Variants in KIAA0825 observed in about 807,000 individuals in gnomAD.
The protein encoded by KIAA0825 is KIAA0825, also known as uncharacterized protein KIAA0825.
In KIAA0825, 119 loss-of-function variants were observed where a neutral mutation model predicts 147.6. The observed-to-expected ratio is 0.81, with a 90% CI of 0.69 to 0.94. The LOEUF (loss-of-function observed/expected upper bound fraction) is 0.94, where lower values mean the gene tolerates loss of function less well. KIAA0825 is among the 40% of genes least tolerant of loss of function. The pLI is 0.00. For synonymous variants in KIAA0825, 470 were observed against 518.1 expected, an observed-to-expected ratio of 0.91 and a Z score of 1.26; for missense variants, 1,381 against 1,472.7, an observed-to-expected ratio of 0.94 and a Z score of 1.02.
At chr5:94,244,866 A>G (rs940904699) in intron 20 of KIAA0825, among the ~76,000 whole-genome samples, 4 of 152,160 alleles carry the variant, frequency 2.6e-5, no homozygotes, top group Admixed American at 2.6e-4. Flanking sequence ...AATTATGATT[A>G]CTCTATAGTT....
chr5:94,438,400 C>G (rs986277796), intron 14 of KIAA0825, among the ~76,000 whole-genome samples: 28 of 152,240 alleles, frequency 1.8e-4, no homozygotes, highest in African/African-American at 6.7e-4. Flanking sequence ...AGTAGATTCC[C>G]TAGTGTGAGT....
chr5:94,384,602 G>A, intron 19 of KIAA0825, 144 bp from the exon 20 acceptor site: 6 of 565,928 alleles, frequency 1.1e-5, no homozygotes, highest in African/African-American at 1.9e-5. Context: ...CATCAATCAT[G>A]TCCACAGAAG....
At chr5:94,472,961 C>T (rs1405896002) in intron 8 of KIAA0825, among the ~76,000 whole-genome samples, 1 of 152,074 alleles carries the variant, frequency 6.6e-6, no homozygotes, top group African/African-American at 2.4e-5. Flanking sequence ...GAAAAGACAG[C>T]ACTTCCTTCA....
intron 20 of KIAA0825, among the ~76,000 whole-genome samples, chr5:94,170,618 T>C (rs991131171): frequency 3.3e-5 from 5 of 152,228 alleles, no homozygotes; most frequent in Admixed American, 1.3e-4. Context: ...GACAGTCTGC[T>C]GTACATATAG....
intron 20 of KIAA0825, among the ~76,000 whole-genome samples, chr5:94,376,758 T>A (rs1032996345): frequency 1.3e-5 from 2 of 152,030 alleles, no homozygotes; most frequent in Non-Finnish European, 2.9e-5. Context: ...AAGAAAACAA[T>A]TTTCTAGGGA....
intron 14 of KIAA0825, among the ~76,000 whole-genome samples, chr5:94,421,909 G>A (rs1378253481): frequency 6.6e-6 from 1 of 152,094 alleles, no homozygotes; most frequent in East Asian, 1.9e-4. Flanking sequence ...CCTAGTGAAA[G>A]TCAACAACTT....
At chr5:94,314,039 T>C (rs571834823) in intron 20 of KIAA0825, among the ~76,000 whole-genome samples, 1 of 151,710 alleles carries the variant, frequency 6.6e-6, no homozygotes, top group Non-Finnish European at 1.5e-5. Context: ...TCAGGGGAAC[T>C]TCTACTTGCC....
chr5:94,338,119 A>G (rs1443205637), intron 20 of KIAA0825, among the ~76,000 whole-genome samples: 8 of 152,224 alleles, frequency 5.3e-5, no homozygotes, highest in Admixed American at 5.2e-4. Context: ...CCAGGTTCCC[A>G]GCTTATTCAA....
At chr5:94,560,360 AT>A (rs1777331759) in intron 2 of KIAA0825, among the ~76,000 whole-genome samples, 1 of 152,198 alleles carries the variant, frequency 6.6e-6, no homozygotes. Flanking sequence ...CCAAAATTTA[AT>A]TCAGAGTCTT....
At chr5:94,297,109 G>T (rs1778172828) in intron 20 of KIAA0825, among the ~76,000 whole-genome samples, 1 of 152,118 alleles carries the variant, frequency 6.6e-6, no homozygotes, top group African/African-American at 2.4e-5. Flanking sequence ...AGTTAATTCA[G>T]AGAACTTAAT....
intron 20 of KIAA0825, among the ~76,000 whole-genome samples, chr5:94,222,836 A>C (rs866378036): frequency 6.6e-6 from 1 of 152,132 alleles, no homozygotes; most frequent in African/African-American, 2.4e-5. Flanking sequence ...TTAAAGCTAC[A>C]TTTTTATTGT....
intron 1 of KIAA0825, among the ~76,000 whole-genome samples, chr5:94,615,176 C>T (rs962928374): frequency 6.6e-6 from 1 of 151,816 alleles, no homozygotes; most frequent in African/African-American, 2.4e-5. Context: ...TAAAAGCTTA[C>T]ATAAAACACA....
chr5:94,196,860 A>T (rs1303063558), intron 20 of KIAA0825, among the ~76,000 whole-genome samples: 1 of 152,044 alleles, frequency 6.6e-6, no homozygotes, highest in African/African-American at 2.4e-5. Context: ...TCTTTACTCA[A>T]TCCATTGTTG....
intron 5 of KIAA0825, among the ~76,000 whole-genome samples, chr5:94,512,029 T>C (rs1338839625): frequency 6.6e-6 from 1 of 152,000 alleles, no homozygotes; most frequent in Non-Finnish European, 1.5e-5. Flanking sequence ...AATATTTGAC[T>C]TTATAAATGT....
At chr5:94,476,815 C>T (rs1036394949) in intron 7 of KIAA0825, among the ~76,000 whole-genome samples, 32 of 151,904 alleles carry the variant, frequency 2.1e-4, no homozygotes, top group Non-Finnish European at 2.8e-4. Context: ...TCTCGCTATT[C>T]GACAATTATC....
rs1387742943 is a variant in KIAA0825 at position 94,580,844 on chromosome 5, C to A, written c.-2+1589G>T. 6.9e-5 allele frequency among the ~76,000 whole-genome samples: 2 copies of A among 28,974 alleles called. 1 individual carries two copies. The highest frequency in any genetic ancestry group is 1.2e-4 in the Non-Finnish European group (2 of 16,810). The allele number at this position is 28,974 out of a possible 152,430, so 19.0% of individuals were successfully genotyped here. A position where few individuals can be genotyped will look rare whatever the true frequency, so the allele number is the denominator to read the frequency against. On this transcript the variant is annotated intron_variant, in intron 2 of 20. Transcript: ENST00000682413. ...TGAGCCGAGATCCCGCCACTGCACT[C>A]CAGCCTGGGCGACAGAGCGAGACTC...
chr5:94,225,936 T>C (rs1774121448), intron 20 of KIAA0825, among the ~76,000 whole-genome samples: 1 of 152,192 alleles, frequency 6.6e-6, no homozygotes, highest in Non-Finnish European at 1.5e-5. Context: ...GGCAATACCA[T>C]TCAGGACATA....
At chr5:94,453,225 T>C (rs1487960659) in intron 12 of KIAA0825, among the ~76,000 whole-genome samples, 156 bp from the exon 13 acceptor site, 1 of 151,942 alleles carries the variant, frequency 6.6e-6, no homozygotes, top group South Asian at 2.1e-4. Flanking sequence ...CAGTCTGGAG[T>C]GTAGTGGTGC....
intron 20 of KIAA0825, among the ~76,000 whole-genome samples, chr5:94,190,068 TTTA>T (rs1324540406): frequency 1.3e-5 from 2 of 152,358 alleles, no homozygotes; most frequent in South Asian, 2.1e-4. Flanking sequence ...TTTAAAAATT[TTTA>T]TTATTAACTG....
Sources: gnomAD v4.1 joint callset for allele counts (sites outside exome capture counted in the v4.1 genomes callset) on GRCh38, gnomAD v4.1.1 for gene constraint, MANE v1.5 for transcripts, NCBI Gene and HGNC (gene_info 2026-07-23, HGNC 2026-07-21) for gene names.